The following NAA35 variants were observed in gnomAD, a reference collection of about 807,000 sequenced individuals.
NAA35 encodes the protein N-alpha-acetyltransferase 35, NatC auxiliary subunit, also known as MAK10 homolog, amino-acid N-acetyltransferase subunit.
Under a neutral mutation model 101.7 loss-of-function variants are expected in NAA35, and 18 were observed. The ratio of observed to expected loss-of-function variants is 0.18; its 90% CI spans 0.12 to 0.26. The LOEUF (loss-of-function observed/expected upper bound fraction) is 0.26. NAA35 is among the 10% of genes least tolerant of loss of function. The probability of loss-of-function intolerance (pLI) is 1.00; values close to 1 mark genes in which losing one functional copy is unlikely to be tolerated. For synonymous variants in NAA35, 267 were observed against 273.1 expected, an observed-to-expected ratio of 0.98 and a Z score of 0.22; for missense variants, 601 against 886.8, an observed-to-expected ratio of 0.68 and a Z score of 4.09.
chr9:86,012,820 A>G (rs1832012321), intron 15 of NAA35, among the ~76,000 whole-genome samples: 1 of 152,228 alleles, frequency 6.6e-6, no homozygotes, highest in South Asian at 2.1e-4. Flanking sequence ...TTTTTATCAT[A>G]TGAAAGCAAG....
chr9:85,964,133 T>C (rs1240756850), intron 6 of NAA35, among the ~76,000 whole-genome samples: 1 of 151,854 alleles, frequency 6.6e-6, no homozygotes, highest in Non-Finnish European at 1.5e-5. Context: ...TTAGTCTTTT[T>C]TTTTTTTTTT....
intron 3 of NAA35, 76 bp from the exon 4 acceptor site, chr9:85,958,396 T>A: frequency 2.4e-6 from 2 of 850,570 alleles, no homozygotes; most frequent in East Asian, 2.7e-5. Flanking sequence ...AGTAGTATAA[T>A]TTTATACCGT....
chr9:85,955,346 A>ATTTTTTT (rs1564287999), intron 2 of NAA35, among the ~76,000 whole-genome samples: 1 of 69,404 alleles, frequency 1.4e-5, no homozygotes, highest in Non-Finnish European at 2.8e-5. Flanking sequence ...ATATATATAT[A>ATTTTTTT]TATATATATA....
intron 2 of NAA35, among the ~76,000 whole-genome samples, chr9:85,954,236 A>G (rs1363516245): frequency 6.6e-6 from 1 of 152,154 alleles, no homozygotes; most frequent in Non-Finnish European, 1.5e-5. Flanking sequence ...GTGCACCACC[A>G]TGCCTGGCTA....
intron 6 of NAA35, among the ~76,000 whole-genome samples, chr9:85,963,427 T>C (rs943924486): frequency 2.6e-5 from 4 of 151,866 alleles, no homozygotes; most frequent in Admixed American, 1.3e-4. Context: ...TGCACCACCA[T>C]GCCTGGCTAA....
intron 2 of NAA35, among the ~76,000 whole-genome samples, chr9:85,949,045 C>G (rs546232242): frequency 1.3e-5 from 2 of 152,254 alleles, no homozygotes; most frequent in East Asian, 3.9e-4. Flanking sequence ...GTGGTAGCCA[C>G]CATGTCTGAC....
At chr9:85,963,238 T>C (rs1829596397) in intron 6 of NAA35, among the ~76,000 whole-genome samples, 1 of 151,484 alleles carries the variant, frequency 6.6e-6, no homozygotes, top group Non-Finnish European at 1.5e-5. Context: ...ATACCCAATA[T>C]GTTTGTCCAT....
At chr9:85,946,971 C>A (rs1410669756) in intron 2 of NAA35, among the ~76,000 whole-genome samples, 2 of 152,104 alleles carry the variant, frequency 1.3e-5, no homozygotes, top group African/African-American at 4.8e-5. Flanking sequence ...TCTTTTCTAT[C>A]TTCTCTCACC....
intron 12 of NAA35, among the ~76,000 whole-genome samples, chr9:86,002,809 A>G (rs1418653312): frequency 6.6e-6 from 1 of 152,010 alleles, no homozygotes; most frequent in Non-Finnish European, 1.5e-5. Flanking sequence ...CTGAATCTCT[A>G]TGATCTTTGG....
chr9:85,966,678 A>G (rs1181360278), intron 6 of NAA35: 1 of 1,267,476 alleles, frequency 7.9e-7, no homozygotes, highest in South Asian at 1.3e-5. Flanking sequence ...GAATGCAGTA[A>G]GTTGACACTT....
At chr9:85,953,495 C>T (rs1483991104) in intron 2 of NAA35, among the ~76,000 whole-genome samples, 4 of 152,144 alleles carry the variant, frequency 2.6e-5, no homozygotes, top group African/African-American at 4.8e-5. Context: ...GGTGCAATCT[C>T]GGCTCACTGC....
At chr9:85,991,705 A>G (rs1830919141) in intron 11 of NAA35, among the ~76,000 whole-genome samples, 1 of 152,158 alleles carries the variant, frequency 6.6e-6, no homozygotes, top group South Asian at 2.1e-4. Context: ...AGGAGATTGT[A>G]GTGGACTGAA....
chr9:86,012,240 T>A (rs984993450), intron 15 of NAA35, among the ~76,000 whole-genome samples: 1 of 151,572 alleles, frequency 6.6e-6, no homozygotes, highest in Non-Finnish European at 1.5e-5. Context: ...TGCCTCAGCC[T>A]CCCATGTAGC....
chr9:86,014,325 A>G, intron 17 of NAA35: 1 of 944,612 alleles, frequency 1.1e-6, no homozygotes, highest in Non-Finnish European at 1.3e-6. Flanking sequence ...CGTGGTGCTG[A>G]GGATTCACTT....
intron 2 of NAA35, among the ~76,000 whole-genome samples, chr9:85,950,785 C>CAT (rs971552131): frequency 6.6e-5 from 10 of 152,012 alleles, no homozygotes; most frequent in Admixed American, 4.6e-4. Context: ...GTATGTATTA[C>CAT]ATATATATAT....
intron 3 of NAA35, 47 bp downstream of exon 3, chr9:85,956,440 G>A (rs368172497): frequency 4.4e-6 from 5 of 1,124,108 alleles, no homozygotes; most frequent in Non-Finnish European, 6.1e-6. Context: ...GTTTCAGTCT[G>A]TTTTTTTTTC....
At chr9:85,971,675 C>T (rs1305777135) in intron 6 of NAA35, among the ~76,000 whole-genome samples, 1 of 152,112 alleles carries the variant, frequency 6.6e-6, no homozygotes, top group Non-Finnish European at 1.5e-5. Context: ...CATTTCTGCC[C>T]TTACACCTGC....
chr9:85,999,046 G>A lies in NAA35; in HGVS notation c.1056+2469G>A, dbSNP rs372943552. The stretch of plus-strand genomic sequence containing the variant: ...TCTTTGTCATTAAAACCCAGCTTAA[G>A]TCTTCATTCCTTAGTAAAACTTTCA... On this transcript the variant is annotated intron_variant, in intron 12 of 22. Coordinates refer to ENST00000361671, the MANE Select transcript of NAA35 (RefSeq NM_024635.4). Among the ~76,000 whole-genome samples, 191 of 152,222 alleles carry A rather than the reference G, an allele frequency of 1.3e-3. 4 individuals are homozygous for A. The South Asian group carries it at 0.033, about 27-fold the overall frequency.
chr9:85,955,449 A>G (rs1047284247), intron 2 of NAA35, among the ~76,000 whole-genome samples: 3 of 137,498 alleles, frequency 2.2e-5, no homozygotes, highest in East Asian at 2.3e-4. Flanking sequence ...TGCAAGCTCC[A>G]CTTCCTTGGT....
Sources: allele counts gnomAD v4.1 joint callset (sites outside exome capture counted in the v4.1 genomes callset), GRCh38; gene constraint gnomAD v4.1.1; transcripts MANE v1.5; gene names NCBI Gene and HGNC (gene_info 2026-07-23, HGNC 2026-07-21).